The following ADRA1B variants were observed in gnomAD, a reference collection of about 807,000 sequenced individuals.
ADRA1B encodes the protein adrenoceptor alpha 1B.
Under a neutral mutation model 17.9 loss-of-function variants are expected in ADRA1B, and 17 were observed. That is an observed-to-expected ratio of 0.95 (90% CI 0.65 to 1.42). ADRA1B has a LOEUF of 1.42. Ranked by LOEUF, ADRA1B falls within the 40% of genes most tolerant of loss-of-function variation. The pLI is 0.00. For synonymous variants in ADRA1B, 366 were observed against 327.6 expected (o/e 1.12, Z -1.27); for missense variants, 681 against 722.1 (o/e 0.94, Z 0.65).
intron 1 of ADRA1B, among the ~76,000 whole-genome samples, chr5:159,930,273 G>A (rs576357028): frequency 4.6e-5 from 7 of 152,186 alleles, no homozygotes; most frequent in Non-Finnish European, 7.3e-5. Context: ...TGGTATTTTA[G>A]GTTTAACCTG....
intron 1 of ADRA1B, among the ~76,000 whole-genome samples, chr5:159,876,241 G>A (rs1230653988): frequency 6.6e-6 from 1 of 152,126 alleles, no homozygotes; most frequent in Non-Finnish European, 1.5e-5. Context: ...TTTTAAAAAA[G>A]TCTACAAGTT....
downstream of ADRA1B, among the ~76,000 whole-genome samples, chr5:159,973,677 A>G (rs563090850): frequency 3.9e-5 from 6 of 152,330 alleles, no homozygotes; most frequent in South Asian, 1.2e-3. Flanking sequence ...AAAAGCACTG[A>G]GGAAGGTCAC....
upstream of ADRA1B, among the ~76,000 whole-genome samples, chr5:159,914,109 G>A (rs1754254942): frequency 6.6e-6 from 1 of 152,176 alleles, no homozygotes; most frequent in Non-Finnish European, 1.5e-5. Flanking sequence ...GTGCCTTCGG[G>A]GGCCACTTTA....
the ADRA1B span, among the ~76,000 whole-genome samples, chr5:159,980,330 C>A: frequency 1.3e-5 from 2 of 152,168 alleles, no homozygotes; most frequent in Non-Finnish European, 2.9e-5. Context: ...GAAAATGACA[C>A]TCTAAAAGAT....
intron 1 of ADRA1B, among the ~76,000 whole-genome samples, chr5:159,899,124 G>A (rs1342673193): frequency 6.6e-6 from 1 of 151,460 alleles, no homozygotes; most frequent in African/African-American, 2.4e-5. Flanking sequence ...TCCAGCCTGG[G>A]TGACAAAGTG....
chr5:159,927,381 G>GCACACACACACACACACA (rs59807316), intron 1 of ADRA1B, among the ~76,000 whole-genome samples: 1,610 of 140,678 alleles, frequency 0.011, 35 homozygotes, highest in East Asian at 0.058. Flanking sequence ...ATTAAAACAT[G>GCACACACACACACACACA]CACACACACA....
chr5:159,960,352 C>T lies in ADRA1B; in HGVS notation c.950-11527C>T, dbSNP rs573716957. On this transcript the variant is annotated intron_variant, in intron 1 of 1. Transcript: ENST00000306675. ...AATAGGTCTTATATTCTAACCTAAGCAGTTTGAACTTTATCCTACAAACTA... is the reference window on the plus strand; with the variant it reads ...AATAGGTCTTATATTCTAACCTAAGTAGTTTGAACTTTATCCTACAAACTA... Among the ~76,000 whole-genome samples, 13 of 152,326 alleles carry T rather than the reference C, an allele frequency of 8.5e-5. No individual in the cohort carries two copies. The South Asian group carries it at 2.5e-3, about 29-fold the overall frequency.
intron 1 of ADRA1B, among the ~76,000 whole-genome samples, chr5:159,962,796 G>A (rs915409641): frequency 6.3e-5 from 9 of 142,196 alleles, no homozygotes; most frequent in East Asian, 2.1e-4. Flanking sequence ...TCAGCCTCCC[G>A]AGTAGCTGGT....
chr5:159,928,016 CTGAGCTAAGATT>C (rs1457904293), intron 1 of ADRA1B, among the ~76,000 whole-genome samples: 1 of 152,080 alleles, frequency 6.6e-6, no homozygotes, highest in African/African-American at 2.4e-5. Flanking sequence ...GAGTGAGTGG[CTGAGCTAAGATT>C]TGAATCTATG....
At chr5:159,909,242 A>G (rs954470347) in intron 1 of ADRA1B, among the ~76,000 whole-genome samples, 2 of 152,100 alleles carry the variant, frequency 1.3e-5, no homozygotes, top group Non-Finnish European at 2.9e-5. Context: ...AAGCAAGCCC[A>G]CACTCATTCC....
chr5:159,940,188 C>G (rs1755086363), intron 1 of ADRA1B, among the ~76,000 whole-genome samples: 1 of 152,214 alleles, frequency 6.6e-6, no homozygotes, highest in African/African-American at 2.4e-5. Context: ...CTTTGCTTGA[C>G]CAAACTTTAG....
upstream of ADRA1B, among the ~76,000 whole-genome samples, chr5:159,913,315 T>C (rs1194181026): frequency 2.0e-5 from 3 of 151,978 alleles, no homozygotes; most frequent in Non-Finnish European, 4.4e-5. Context: ...GTCAAGTCCA[T>C]GGGTCAAAAA....
At chr5:159,984,796 C>G in the ADRA1B span, among the ~76,000 whole-genome samples, 1 of 151,296 alleles carries the variant, frequency 6.6e-6, no homozygotes, top group South Asian at 2.1e-4. Context: ...ACAATCCCAG[C>G]TACTTGGGAG....
At chr5:159,927,404 C>T (rs988528139) in intron 1 of ADRA1B, among the ~76,000 whole-genome samples, 3 of 151,808 alleles carry the variant, frequency 2.0e-5, no homozygotes, top group Non-Finnish European at 4.4e-5. Context: ...CACACACACA[C>T]ACACACACAC....
intron 1 of ADRA1B, among the ~76,000 whole-genome samples, chr5:159,894,467 T>C (rs977838732): frequency 6.6e-6 from 1 of 152,124 alleles, no homozygotes; most frequent in African/African-American, 2.4e-5. Flanking sequence ...TCTCCACACA[T>C]GTAAATATTT....
chr5:159,959,643 T>G (rs2113278452), intron 1 of ADRA1B, among the ~76,000 whole-genome samples: 1 of 152,330 alleles, frequency 6.6e-6, no homozygotes, highest in Non-Finnish European at 1.5e-5. Context: ...CACTGAATTA[T>G]CTGCTTAACC....
At chr5:159,987,952 T>C in the ADRA1B span, among the ~76,000 whole-genome samples, 3 of 152,082 alleles carry the variant, frequency 2.0e-5, no homozygotes, top group African/African-American at 7.2e-5. Context: ...GCCCAAAATA[T>C]GTTCACATCC....
At chr5:159,929,027 G>A (rs1035733209) in intron 1 of ADRA1B, 3 of 152,124 alleles carry the variant, frequency 2.0e-5, no homozygotes, top group Non-Finnish European at 4.4e-5. Context: ...CAGCCCTTTA[G>A]CATTTACCTT....
intron 1 of ADRA1B, among the ~76,000 whole-genome samples, chr5:159,934,579 C>T (rs375870228): frequency 6.1e-4 from 92 of 152,008 alleles, no homozygotes; most frequent in African/African-American, 2.1e-3. Context: ...CCGAGGCGGG[C>T]GGATCACTTG....
Sources: gnomAD v4.1 joint callset for allele counts (sites outside exome capture counted in the v4.1 genomes callset) on GRCh38, gnomAD v4.1.1 for gene constraint, MANE v1.5 for transcripts, NCBI Gene and HGNC (gene_info 2026-07-23, HGNC 2026-07-21) for gene names.